The following ZMYM4 variants were observed in gnomAD, a reference collection of about 807,000 sequenced individuals.
The protein encoded by ZMYM4 is zinc finger MYM-type protein 4.
ZMYM4 carries 31 observed loss-of-function variants against 183.2 expected under a neutral mutation model. That is an observed-to-expected ratio of 0.17 (90% CI 0.13 to 0.23). ZMYM4 has a LOEUF of 0.23. Among genes scored for constraint, ZMYM4 ranks in the 10% least tolerant of loss-of-function variants. The pLI is 1.00. For synonymous variants in ZMYM4, 592 were observed against 631.2 expected (o/e 0.94, Z 0.93); for missense variants, 1,273 against 1,840.3 (o/e 0.69, Z 5.64).
intron 29 of ZMYM4, 79 bp from the exon 30 acceptor site, chr1:35,419,391 C>T: frequency 6.8e-7 from 1 of 1,481,188 alleles, no homozygotes; most frequent in Non-Finnish European, 9.2e-7. Flanking sequence ...CCTCAGTTTA[C>T]TTAAGAATAG....
chr1:35,333,324 C>G (rs2148839622), intron 2 of ZMYM4, among the ~76,000 whole-genome samples: 1 of 148,124 alleles, frequency 6.8e-6, no homozygotes, highest in East Asian at 2.0e-4. Context: ...GTGGTGCAAT[C>G]TAAGCTCACT....
chr1:35,358,917 T>C lies in ZMYM4; in HGVS notation c.86-8T>C. 1 of 1,606,134 alleles carries C rather than the reference T, an allele frequency of 6.2e-7. No homozygotes were observed. The highest frequency in any genetic ancestry group is 1.1e-5 in the South Asian group (1 of 90,550). ...ATCATTTGTCTAAACAGTATTTTAC[T>C]TTTTAAGGTGGTGGTATCATGGATA... On this transcript the variant is annotated splice_polypyrimidine_tract_variant and splice_region_variant and intron_variant, in intron 2 of 29. Transcript: ENST00000314607.
Position 35,359,286 on chromosome 1 carries a change from A to T in ZMYM4, c.447A>T (p.Lys149Asn). 4 of 1,608,810 alleles carry T rather than the reference A, an allele frequency of 2.5e-6. No homozygotes were observed. Among genetic ancestry groups the T allele is most frequent in the Non-Finnish European group, 3.4e-6 (4 of 1,178,606 alleles). Reference sequence around the variant, plus strand: ...AATTTGATCAGGTTTCTGTCTTTAAATCAATACGGAAAGATTTTAGTCTAG... The same window carrying T: ...AATTTGATCAGGTTTCTGTCTTTAATTCAATACGGAAAGATTTTAGTCTAG... ...PKQFDQVSVFKSIRKDFSLVR... is the reference protein window; with the variant it reads ...PKQFDQVSVFNSIRKDFSLVR... The change falls in exon 3 of 30, where the codon AAA (lysine) becomes AAT (asparagine). Residue 149 changes from lysine to asparagine, a missense_variant. By Grantham distance (94) the Lys-to-Asn change is moderately conservative (BLOSUM62 0). Around this residue, in one of 6 missense-constraint regions of ZMYM4, gnomAD observed 384 missense variants for 465.6 expected, o/e 0.82. Coordinates refer to ENST00000314607, the MANE Select transcript of ZMYM4 (RefSeq NM_005095.3).
intron 1 of ZMYM4, among the ~76,000 whole-genome samples, chr1:35,275,763 G>A (rs1464659526): frequency 6.6e-6 from 1 of 152,010 alleles, no homozygotes; most frequent in African/African-American, 2.4e-5. Flanking sequence ...CAACAAAATT[G>A]CTAATACTTG....
chr1:35,374,645 T>TA (rs1195899077), intron 7 of ZMYM4, among the ~76,000 whole-genome samples: 4 of 136,628 alleles, frequency 2.9e-5, no homozygotes, highest in Non-Finnish European at 6.3e-5. Flanking sequence ...CCCCAGCTCC[T>TA]AAAAAAAGTC....
At position 35,376,315 on chromosome 1, in the gene ZMYM4, C is replaced by G. The variant is rs184164135; in HGVS notation, c.1182-4944C>G. On this transcript the variant is annotated intron_variant, in intron 7 of 29. Transcript: ENST00000314607. The stretch of plus-strand genomic sequence containing the variant: ...AATTGGACTCTAAGCATAGTGAGAG[C>G]AGTGAAAAAATACCTAATTTTATAC... 1.6e-3 allele frequency among the ~76,000 whole-genome samples: 241 copies of G among 152,184 alleles called. 1 individual carries two copies. Among genetic ancestry groups the G allele is most frequent in the Middle Eastern group, 3.4e-3 (1 of 294 alleles).
In ZMYM4 at chr1:35,394,513, C is replaced by G. The variant is rs1443957488; in HGVS notation, c.2911+774C>G. Among the ~76,000 whole-genome samples, 3 of 152,116 alleles carry G rather than the reference C, an allele frequency of 2.0e-5. No individual in the cohort carries two copies. In the East Asian group the frequency reaches 5.8e-4, roughly 29 times the overall value. The stretch of plus-strand genomic sequence containing the variant: ...TCCCTTTCTTGATGAGATACAGTAA[C>G]ACTTGATTGGGAGCTGAGTGGAGAG... On this transcript the variant is annotated intron_variant, in intron 18 of 29. Coordinates refer to ENST00000314607, the MANE Select transcript of ZMYM4 (RefSeq NM_005095.3).
At chr1:35,277,391 T>G (rs1451512794) in intron 1 of ZMYM4, among the ~76,000 whole-genome samples, 1 of 152,156 alleles carries the variant, frequency 6.6e-6, no homozygotes, top group African/African-American at 2.4e-5. Flanking sequence ...CTATAATGAT[T>G]ACACAGAAGG....
chr1:35,350,171 C>A (rs997759230), intron 2 of ZMYM4, among the ~76,000 whole-genome samples: 1 of 149,272 alleles, frequency 6.7e-6, no homozygotes. Flanking sequence ...TGCTGTGTTG[C>A]CCAAGCTGAT....
chr1:35,370,656 TG>T, intron 7 of ZMYM4, 29 bp downstream of exon 7: 6 of 1,555,742 alleles, frequency 3.9e-6, no homozygotes, highest in Non-Finnish European at 5.2e-6. Context: ...TTATCTTTTT[TG>T]TTTCTTTCCT....
In ZMYM4 at chr1:35,283,081, C is replaced by T. The variant is rs1640271958; in HGVS notation, c.39+13996C>T. Among the ~76,000 whole-genome samples, 3 of 131,340 alleles carry T rather than the reference C, an allele frequency of 2.3e-5. No homozygotes were observed. In the South Asian group the frequency reaches 8.0e-4, roughly 35 times the overall value. 86.2% of individuals were successfully genotyped at this position (131,340 alleles called of 152,430 possible). A position where few individuals can be genotyped will look rare whatever the true frequency, so the allele number is the denominator to read the frequency against. ...TGGTGCCATCTCACCACACTGTAAC[C>T]TCCACCCTTCACCTTCTGGGTTCAG... On this transcript the variant is annotated intron_variant, in intron 1 of 29. Coordinates refer to ENST00000314607, the MANE Select transcript of ZMYM4 (RefSeq NM_005095.3).
At chr1:35,366,079 G>C (rs1644070596) in intron 5 of ZMYM4, 1 of 152,088 alleles carries the variant, frequency 6.6e-6, no homozygotes, top group Non-Finnish European at 1.5e-5. Flanking sequence ...GGAGTTTTCT[G>C]AGATTAAAAT....
chr1:35,333,575 G>A (rs566666835), intron 2 of ZMYM4, among the ~76,000 whole-genome samples: 2 of 152,132 alleles, frequency 1.3e-5, no homozygotes, highest in South Asian at 4.2e-4. Flanking sequence ...GATTTTTTAA[G>A]AGTAACATTT....
chr1:35,287,208 G>T (rs1384410900), intron 1 of ZMYM4, among the ~76,000 whole-genome samples: 1 of 150,292 alleles, frequency 6.7e-6, no homozygotes, highest in Non-Finnish European at 1.5e-5. Flanking sequence ...TACAATAGTG[G>T]TTTTACTTAA....
At chr1:35,379,727 T>G (rs1275810125) in intron 7 of ZMYM4, among the ~76,000 whole-genome samples, 1 of 152,270 alleles carries the variant, frequency 6.6e-6, no homozygotes, top group East Asian at 1.9e-4. Context: ...CTCTTACTTT[T>G]GTTGAGCACT....
At chr1:35,335,356 C>A (rs1349094804) in intron 2 of ZMYM4, among the ~76,000 whole-genome samples, 1 of 151,974 alleles carries the variant, frequency 6.6e-6, no homozygotes, top group African/African-American at 2.4e-5. Flanking sequence ...CCTGCCTCAG[C>A]ATCCCGAGTA....
At chr1:35,396,222 C>A (rs1644806437) in intron 18 of ZMYM4, among the ~76,000 whole-genome samples, 1 of 152,148 alleles carries the variant, frequency 6.6e-6, no homozygotes, top group Non-Finnish European at 1.5e-5. Flanking sequence ...AATGGCCCCT[C>A]CCTATTCAGC....
chr1:35,306,959 A>G (rs571953157), intron 1 of ZMYM4, among the ~76,000 whole-genome samples: 12 of 152,214 alleles, frequency 7.9e-5, no homozygotes, highest in Non-Finnish European at 1.8e-4. Flanking sequence ...AAAAGTACAG[A>G]AATGCTTCAT....
chr1:35,404,995 G>A (rs759987431), intron 23 of ZMYM4, 28 bp from the exon 24 acceptor site: 1 of 1,556,642 alleles, frequency 6.4e-7, no homozygotes, highest in South Asian at 1.2e-5. Context: ...TAAATTTTAT[G>A]TTCTGTAAAT....
Sources: allele counts gnomAD v4.1 joint callset (sites outside exome capture counted in the v4.1 genomes callset), GRCh38; gene constraint gnomAD v4.1.1; regional missense constraint gnomAD v4.1.1; transcripts MANE v1.5; gene names NCBI Gene and HGNC (gene_info 2026-07-23, HGNC 2026-07-21).